The following ENAH variants were observed in gnomAD, a reference collection of about 807,000 sequenced individuals.
The protein encoded by ENAH is ENAH actin regulator, also known as protein enabled homolog.
Under a neutral mutation model 78.7 loss-of-function variants are expected in ENAH, and 23 were observed. The ratio of observed to expected loss-of-function variants is 0.29; its 90% CI spans 0.21 to 0.41. ENAH has a LOEUF of 0.41. ENAH is among the 10% of genes least tolerant of loss of function. The pLI is 1.00. For synonymous variants in ENAH, 226 were observed against 241.0 expected (o/e 0.94, Z 0.58); for missense variants, 544 against 691.0 (o/e 0.79, Z 2.39).
chr1:225,633,869 A>C (rs1659565330), intron 1 of ENAH, among the ~76,000 whole-genome samples: 2 of 152,138 alleles, frequency 1.3e-5, no homozygotes. Flanking sequence ...AAGGACTTAT[A>C]CCCTGTGGCA....
At chr1:225,540,472 T>C (rs2096583767) in intron 3 of ENAH, among the ~76,000 whole-genome samples, 1 of 152,064 alleles carries the variant, frequency 6.6e-6, no homozygotes, top group Admixed American at 6.5e-5. Context: ...TACAAAGGCA[T>C]GAGGTTTCTG....
At chr1:225,610,256 G>C (rs886856119) in intron 1 of ENAH, among the ~76,000 whole-genome samples, 1 of 151,316 alleles carries the variant, frequency 6.6e-6, no homozygotes, top group Non-Finnish European at 1.5e-5. Flanking sequence ...ATTTTCTTAT[G>C]TAACTTTCAA....
chr1:225,529,753 C>G (rs1157253431), intron 4 of ENAH, among the ~76,000 whole-genome samples: 1 of 152,160 alleles, frequency 6.6e-6, no homozygotes, highest in East Asian at 1.9e-4. Flanking sequence ...TGGGAAAGAT[C>G]TAACCTGAGG....
At chr1:225,632,035 T>G (rs79518219) in intron 1 of ENAH, among the ~76,000 whole-genome samples, 6,503 of 152,306 alleles carry the variant, frequency 0.043, 224 homozygotes, top group South Asian at 0.1. Flanking sequence ...TTTTTGTTTT[T>G]TCACAAAATT....
chr1:225,493,464 A>T lies in ENAH; in HGVS notation c.*4311T>A, dbSNP rs2151002164. ...CTGTATGTCAAGTTTTGACTTTAAA[A>T]ATATTAAATGGCTTTTAGTGAAAAG... On this transcript the variant is annotated 3_prime_UTR_variant, in exon 14 of 14. Coordinates refer to ENST00000366843, the MANE Select transcript of ENAH (RefSeq NM_018212.6). The T allele has an allele frequency of 6.6e-6, 1 of 152,328 alleles. No individual in the cohort carries two copies. The highest frequency in any genetic ancestry group is 1.5e-5 in the Non-Finnish European group (1 of 68,034). 9.4% of individuals were successfully genotyped at this position (152,328 alleles called of 1,614,324 possible).
intron 1 of ENAH, chr1:225,581,250 C>T: frequency 1.0e-6 from 1 of 981,396 alleles, no homozygotes; most frequent in Non-Finnish European, 1.2e-6. Context: ...GATTATTTCA[C>T]CTGTTTCCTG....
chr1:225,522,178 C>T (rs927398626), intron 4 of ENAH, among the ~76,000 whole-genome samples: 5 of 152,164 alleles, frequency 3.3e-5, no homozygotes, highest in Non-Finnish European at 7.4e-5. Flanking sequence ...AGAGACAAAG[C>T]TAAATGACAG....
chr1:225,517,190 C>A lies in ENAH; in HGVS notation c.913+6G>T. ...TAGCTGTTAGTAGCAATAATGAAAG[C>A]CTTACCCTGTTGGGATGGAGTCTCG... On this transcript the variant is annotated splice_donor_region_variant and intron_variant, in intron 6 of 13. Coordinates refer to ENST00000366843, the MANE Select transcript of ENAH (RefSeq NM_018212.6). The A allele has an allele frequency of 1.3e-6, 2 of 1,520,072 alleles. No homozygotes were observed. Among genetic ancestry groups the A allele is most frequent in the South Asian group, 2.5e-5 (2 of 78,524 alleles). 94.2% of individuals were successfully genotyped at this position (1,520,072 alleles called of 1,614,324 possible). A position where few individuals can be genotyped will look rare whatever the true frequency, so the allele number is the denominator to read the frequency against.
chr1:225,498,394 T>C lies in ENAH; in HGVS notation c.1628A>G (p.Asp543Gly), dbSNP rs891877965. 3 of 1,583,474 alleles carry C rather than the reference T, an allele frequency of 1.9e-6. No homozygotes were observed. The highest frequency in any genetic ancestry group is 2.6e-6 in the Non-Finnish European group (3 of 1,156,268). The change falls in exon 13 of 14, where the codon GAT becomes GGT. Residue 543 changes from aspartate (D) to glycine (G), a missense_variant. Coordinates refer to ENST00000366843, the MANE Select transcript of ENAH (RefSeq NM_018212.6). ...DYDRLKQDIL[D>G]EMRKELTKLK... ...CTTTGTTAATTCTTTTCTCATTTCA[T>C]CTAAAATGTCCTAAAATATTAGAGA... is the stretch of plus-strand genomic sequence containing the variant.
At chr1:225,527,422 C>A (rs770425072) in intron 4 of ENAH, among the ~76,000 whole-genome samples, 6 of 152,166 alleles carry the variant, frequency 3.9e-5, no homozygotes, top group African/African-American at 7.2e-5. Context: ...CTGTGCTATA[C>A]ATCCTTCCCG....
intron 1 of ENAH, among the ~76,000 whole-genome samples, chr1:225,572,944 G>GA (rs1206576629): frequency 1.2e-4 from 19 of 152,082 alleles, no homozygotes; most frequent in Admixed American, 1.1e-3. Flanking sequence ...TAAAAGAAGG[G>GA]AAAAAAGGTC....
intron 3 of ENAH, among the ~76,000 whole-genome samples, chr1:225,534,552 TTC>T (rs2096552707): frequency 6.6e-6 from 1 of 152,072 alleles, no homozygotes; most frequent in South Asian, 2.1e-4. Flanking sequence ...ACATTAAAAA[TTC>T]TGAGTCACAT....
In ENAH at chr1:225,519,643, A is replaced by C; in HGVS notation, c.435-78T>G. ...AAAAAGCGATTCTTTTCACCTATGT[A>C]AACTATTTCTGAGTCAAATAAAAGC... On this transcript the variant is annotated intron_variant, in intron 4 of 13. Transcript: ENST00000366843. 2.6e-6 allele frequency: 4 copies of C among 1,530,940 alleles called. No homozygotes were observed. In the South Asian group the frequency reaches 5.2e-5, roughly 20 times the overall value. 94.8% of individuals were successfully genotyped at this position (1,530,940 alleles called of 1,614,324 possible). A position where few individuals can be genotyped will look rare whatever the true frequency, so the allele number is the denominator to read the frequency against.
chr1:225,588,366 A>C (rs1048561240), intron 1 of ENAH, among the ~76,000 whole-genome samples: 9 of 152,228 alleles, frequency 5.9e-5, no homozygotes, highest in Admixed American at 5.2e-4. Context: ...ATGCTCAGTA[A>C]ATTTGTGTTA....
In ENAH at chr1:225,528,627, T is replaced by C. The variant is rs116928200; in HGVS notation, c.434+1927A>G. On this transcript the variant is annotated intron_variant, in intron 4 of 13. Coordinates refer to ENST00000366843, the MANE Select transcript of ENAH (RefSeq NM_018212.6). Reference sequence around the variant, plus strand: ...ATTAAAATGCATATAAATAAACCCATGACCAAGTAGAAAACTGAAGGTGGT... The same window carrying C: ...ATTAAAATGCATATAAATAAACCCACGACCAAGTAGAAAACTGAAGGTGGT... 5.9e-5 allele frequency among the ~76,000 whole-genome samples: 9 copies of C among 152,206 alleles called. No individual in the cohort carries two copies. In the East Asian group the frequency reaches 1.7e-3, roughly 29 times the overall value.
chr1:225,548,130 G>T (rs1044190655), intron 3 of ENAH, among the ~76,000 whole-genome samples: 18 of 148,864 alleles, frequency 1.2e-4, no homozygotes, highest in African/African-American at 3.4e-4. Flanking sequence ...GGGCAGTTAA[G>T]ACAAAGCAGA....
intron 1 of ENAH, among the ~76,000 whole-genome samples, chr1:225,569,279 C>T (rs2096748965): frequency 6.6e-6 from 1 of 152,092 alleles, no homozygotes; most frequent in Non-Finnish European, 1.5e-5. Context: ...ATTTTTGCAG[C>T]TACATTGTTT....
intron 1 of ENAH, among the ~76,000 whole-genome samples, chr1:225,578,425 T>C (rs1474416886): frequency 3.3e-5 from 5 of 152,166 alleles, no homozygotes; most frequent in Admixed American, 2.0e-4. Context: ...CAGTGAGCTA[T>C]TACTGAGCCA....
intron 1 of ENAH, among the ~76,000 whole-genome samples, chr1:225,588,359 C>A (rs931905604): frequency 2.0e-5 from 3 of 152,156 alleles, no homozygotes; most frequent in African/African-American, 7.2e-5. Flanking sequence ...TATATAAATG[C>A]TCAGTAAATT....
Sources: allele counts gnomAD v4.1 joint callset (sites outside exome capture counted in the v4.1 genomes callset), GRCh38; gene constraint gnomAD v4.1.1; transcripts MANE v1.5; gene names NCBI Gene and HGNC (gene_info 2026-07-23, HGNC 2026-07-21).